SHANK2: variants seen among roughly 807,000 people sequenced by gnomAD.
The protein encoded by SHANK2 is SH3 and multiple ankyrin repeat domains protein 2.
Under a neutral mutation model 133.7 loss-of-function variants are expected in SHANK2, and 43 were observed. That is an observed-to-expected ratio of 0.32 (90% CI 0.25 to 0.41). SHANK2 has a LOEUF of 0.41. Among genes scored for constraint, SHANK2 ranks in the 10% least tolerant of loss-of-function variants. The pLI, the probability that SHANK2 is intolerant of heterozygous loss-of-function variation, is 1.00. For synonymous variants in SHANK2, 1,017 were observed against 952.8 expected (o/e 1.07, Z -1.24); for missense variants, 1,994 against 2,235.8 (o/e 0.89, Z 2.18).
chr11:70,572,814 G>A (rs2060062883), intron 17 of SHANK2, among the ~76,000 whole-genome samples: 1 of 152,198 alleles, frequency 6.6e-6, no homozygotes, highest in African/African-American at 2.4e-5. Context: ...ATGCAAGATG[G>A]TGAGGCTGCT....
intron 10 of SHANK2, among the ~76,000 whole-genome samples, chr11:70,915,843 G>C (rs1191147896): frequency 2.6e-5 from 4 of 152,180 alleles, no homozygotes; most frequent in Non-Finnish European, 5.9e-5. Context: ...AAGACTTCTG[G>C]ATGACTTGAC....
chr11:70,810,453 G>A (rs577483594), intron 12 of SHANK2, among the ~76,000 whole-genome samples: 1 of 152,350 alleles, frequency 6.6e-6, no homozygotes, highest in East Asian at 1.9e-4. Flanking sequence ...GATGCGGGGA[G>A]GAGAATCCCG....
intron 17 of SHANK2, among the ~76,000 whole-genome samples, chr11:70,644,062 A>G (rs1396446561): frequency 6.6e-6 from 1 of 152,218 alleles, no homozygotes; most frequent in Non-Finnish European, 1.5e-5. Context: ...CTAAGGAAAC[A>G]TGCTGGGACT....
chr11:70,537,666 C>T (rs1263047431), intron 17 of SHANK2, among the ~76,000 whole-genome samples: 4 of 152,352 alleles, frequency 2.6e-5, no homozygotes, highest in Non-Finnish European at 4.4e-5. Context: ...GAAGCTGCCC[C>T]GTTTGTAGCC....
intron 17 of SHANK2, among the ~76,000 whole-genome samples, chr11:70,633,113 T>C (rs1233330221): frequency 1.3e-5 from 2 of 151,808 alleles, no homozygotes; most frequent in Admixed American, 6.6e-5. Flanking sequence ...TTTAGACACG[T>C]TGAATATATA....
chr11:70,502,801 T>A lies in SHANK2; in HGVS notation c.2192A>T (p.Lys731Met). The A allele has an allele frequency of 6.8e-7, 1 of 1,465,088 alleles. No individual in the cohort carries two copies. Among genetic ancestry groups the A allele is most frequent in the Non-Finnish European group, 9.2e-7 (1 of 1,089,564 alleles). 90.8% of individuals were successfully genotyped at this position (1,465,088 alleles called of 1,614,324 possible). ...GGGCGATGTGGGGCATGTACCTTTC[T>A]TCCTGGCGGTGTCGTCGGGGTCCAG... ...RNLDPDDTARKKAPPPPKRAP... is the reference protein window; with the variant it reads ...RNLDPDDTARMKAPPPPKRAP... The change falls in exon 18 of 26, where the codon AAG becomes ATG. Residue 731 changes from lysine to methionine, a missense_variant. By Grantham distance (95) the Lys-to-Met change is moderately conservative. Coordinates refer to ENST00000601538, the MANE Select transcript of SHANK2 (RefSeq NM_012309.5).
intron 8 of SHANK2, among the ~76,000 whole-genome samples, chr11:71,082,881 G>A (rs1250141173): frequency 6.6e-6 from 1 of 152,170 alleles, no homozygotes; most frequent in Admixed American, 6.5e-5. Context: ...AAAATCAAAC[G>A]AGGGGCTGGG....
intron 10 of SHANK2, among the ~76,000 whole-genome samples, chr11:70,934,109 G>A (rs1486303486): frequency 1.3e-5 from 2 of 151,782 alleles, no homozygotes; most frequent in African/African-American, 4.8e-5. Context: ...GCACATGCCT[G>A]TAGTCCCAGC....
chr11:71,220,270 C>G (rs2135725557), intron 2 of SHANK2, among the ~76,000 whole-genome samples: 1 of 151,870 alleles, frequency 6.6e-6, no homozygotes, highest in South Asian at 2.1e-4. Context: ...ACAAACAAAA[C>G]AAAATACGAG....
At position 70,554,891 on chromosome 11, in the gene SHANK2, C is replaced by T. The variant is rs143154531; in HGVS notation, c.2062-51960G>A. On this transcript the variant is annotated intron_variant, in intron 17 of 25. Coordinates refer to ENST00000601538, the MANE Select transcript of SHANK2 (RefSeq NM_012309.5). ...GCACACCTCACTTCATTGCACTTCA[C>T]GAACATTGCATTTTTTTTTTTTTTA... is the stretch of plus-strand genomic sequence containing the variant. 1.9e-3 allele frequency among the ~76,000 whole-genome samples: 247 copies of T among 131,970 alleles called. 2 individuals carry two copies. Among genetic ancestry groups the T allele is most frequent in the African/African-American group, 6.5e-3 (230 of 35,376 alleles). 86.6% of individuals were successfully genotyped at this position (131,970 alleles called of 152,430 possible).
chr11:71,184,475 T>C (rs1490637710), intron 2 of SHANK2, among the ~76,000 whole-genome samples: 4 of 152,166 alleles, frequency 2.6e-5, no homozygotes, highest in Admixed American at 2.6e-4. Flanking sequence ...GGTTCACTGA[T>C]GGTTCAACAA....
At chr11:70,515,555 A>C (rs1387411105) in intron 17 of SHANK2, among the ~76,000 whole-genome samples, 4 of 144,168 alleles carry the variant, frequency 2.8e-5, no homozygotes, top group Admixed American at 7.3e-5. Context: ...TAATCCCAGC[A>C]CTCTGGGAAG....
At chr11:70,536,715 C>T (rs117202714) in intron 17 of SHANK2, among the ~76,000 whole-genome samples, 12 of 152,344 alleles carry the variant, frequency 7.9e-5, no homozygotes, top group East Asian at 7.7e-4. Context: ...AAAATGGAAC[C>T]GTGCACCGTG....
intron 17 of SHANK2, among the ~76,000 whole-genome samples, chr11:70,616,056 C>T (rs2060737516): frequency 6.6e-6 from 1 of 152,136 alleles, no homozygotes; most frequent in Admixed American, 6.5e-5. Flanking sequence ...GCCTTGGAAC[C>T]CATCCTCCCT....
intron 12 of SHANK2, among the ~76,000 whole-genome samples, chr11:70,812,188 G>A (rs1948294636): frequency 6.6e-6 from 1 of 152,220 alleles, no homozygotes; most frequent in Non-Finnish European, 1.5e-5. Flanking sequence ...CTCCAACCTT[G>A]AAGCTCTGTT....
chr11:71,066,893 G>A (rs939169060), intron 9 of SHANK2, among the ~76,000 whole-genome samples: 1 of 152,112 alleles, frequency 6.6e-6, no homozygotes, highest in African/African-American at 2.4e-5. Context: ...CCTCACTGCC[G>A]TGGACATAGG....
chr11:70,947,679 T>A (rs963117391), intron 10 of SHANK2, among the ~76,000 whole-genome samples: 2 of 152,066 alleles, frequency 1.3e-5, no homozygotes, highest in Admixed American at 1.3e-4. Flanking sequence ...ACTCTACATT[T>A]TAAAAAATTA....
intron 17 of SHANK2, among the ~76,000 whole-genome samples, chr11:70,525,119 T>C (rs1377249795): frequency 6.6e-6 from 1 of 152,208 alleles, no homozygotes; most frequent in South Asian, 2.1e-4. Flanking sequence ...ACAGTACCCA[T>C]GGCAAACAGG....
intron 14 of SHANK2, among the ~76,000 whole-genome samples, chr11:70,707,706 A>G (rs1395297539): frequency 6.6e-6 from 1 of 152,150 alleles, no homozygotes; most frequent in Non-Finnish European, 1.5e-5. Context: ...ACACTTCTAA[A>G]TAAATCCTTT....
Sources: gnomAD v4.1 joint callset for allele counts (sites outside exome capture counted in the v4.1 genomes callset) on GRCh38, gnomAD v4.1.1 for gene constraint, MANE v1.5 for transcripts, NCBI Gene and HGNC (gene_info 2026-07-23, HGNC 2026-07-21) for gene names.